CLSTN2: variants seen among roughly 807,000 people sequenced by gnomAD.
The protein encoded by CLSTN2 is calsyntenin 2.
Under a neutral mutation model 101.2 loss-of-function variants are expected in CLSTN2, and 48 were observed. The ratio of observed to expected loss-of-function variants is 0.47; its 90% confidence interval spans 0.38 to 0.60. The LOEUF (loss-of-function observed/expected upper bound fraction) is 0.60, where lower values mean the gene tolerates loss of function less well. CLSTN2 is among the 20% of genes least tolerant of loss of function. The probability of loss-of-function intolerance (pLI) is 0.00; values close to 1 mark genes in which losing one functional copy is unlikely to be tolerated. For missense variants in CLSTN2, 1,160 were observed against 1,238.2 expected, an observed-to-expected ratio of 0.94 and a Z score of 0.95; for synonymous variants, 481 against 463.6, an observed-to-expected ratio of 1.04 and a Z score of -0.48.
chr3:140,459,853 A>T, intron 7 of CLSTN2, 84 bp downstream of exon 7: 1 of 1,478,524 alleles, frequency 6.8e-7, no homozygotes, highest in African/African-American at 1.4e-5. Flanking sequence ...GGACACAGCC[A>T]AGGAGGATGT....
intron 2 of CLSTN2, among the ~76,000 whole-genome samples, chr3:140,234,151 G>A (rs9866305): frequency 0.38 from 57,417 of 152,134 alleles, 13,081 homozygotes; most frequent in Non-Finnish European, 0.53. Flanking sequence ...AAAGGGTCAC[G>A]GTCACAAATC....
chr3:140,080,931 A>C (rs948538389), intron 1 of CLSTN2, among the ~76,000 whole-genome samples: 2 of 152,192 alleles, frequency 1.3e-5, no homozygotes, highest in Non-Finnish European at 2.9e-5. Context: ...GGGACACTGC[A>C]CTGTGAGAAG....
At chr3:140,097,742 A>T (rs1307569571) in intron 1 of CLSTN2, among the ~76,000 whole-genome samples, 1 of 152,142 alleles carries the variant, frequency 6.6e-6, no homozygotes, top group African/African-American at 2.4e-5. Flanking sequence ...TACAGATGGG[A>T]TCCATTGAAT....
intron 1 of CLSTN2, among the ~76,000 whole-genome samples, chr3:139,990,447 T>C (rs1374191966): frequency 6.6e-6 from 1 of 152,176 alleles, no homozygotes; most frequent in Non-Finnish European, 1.5e-5. Flanking sequence ...TTCATATTTA[T>C]CCCTAGGTCT....
chr3:140,338,675 T>C (rs2087465082), intron 2 of CLSTN2, among the ~76,000 whole-genome samples: 1 of 152,188 alleles, frequency 6.6e-6, no homozygotes, highest in African/African-American at 2.4e-5. Flanking sequence ...TGTGAGATCG[T>C]CTGATAACTT....
intron 2 of CLSTN2, among the ~76,000 whole-genome samples, chr3:140,370,682 G>T (rs1446065850): frequency 6.6e-6 from 1 of 152,110 alleles, no homozygotes; most frequent in Non-Finnish European, 1.5e-5. Flanking sequence ...GCTTAAGTGG[G>T]AAATACACAC....
chr3:140,017,289 G>T (rs1365552427), intron 1 of CLSTN2, among the ~76,000 whole-genome samples: 2 of 152,216 alleles, frequency 1.3e-5, no homozygotes, highest in African/African-American at 2.4e-5. Flanking sequence ...TCCATGCAGA[G>T]GTCGTTGTTT....
intron 2 of CLSTN2, among the ~76,000 whole-genome samples, chr3:140,313,059 A>G (rs751637310): frequency 2.4e-4 from 36 of 152,244 alleles, no homozygotes; most frequent in Admixed American, 3.9e-4. Flanking sequence ...TCACTGAATC[A>G]AGTAATGTGC....
chr3:140,292,227 C>G (rs2086961298), intron 2 of CLSTN2, among the ~76,000 whole-genome samples: 1 of 152,196 alleles, frequency 6.6e-6, no homozygotes, highest in East Asian at 1.9e-4. Flanking sequence ...CTCCAACAGG[C>G]TGGATCCTTG....
intron 2 of CLSTN2, among the ~76,000 whole-genome samples, chr3:140,185,584 C>A (rs2010474839): frequency 6.6e-6 from 1 of 152,176 alleles, no homozygotes; most frequent in South Asian, 2.1e-4. Context: ...GCACCTGACC[C>A]AAGCTGCAAC....
At chr3:140,284,305 GTGC>G (rs2086876705) in intron 2 of CLSTN2, among the ~76,000 whole-genome samples, 1 of 152,076 alleles carries the variant, frequency 6.6e-6, no homozygotes, top group Non-Finnish European at 1.5e-5. Flanking sequence ...AAAAAGCACT[GTGC>G]TGGGACTGCC....
intron 1 of CLSTN2, among the ~76,000 whole-genome samples, chr3:140,063,133 T>C (rs972637396): frequency 2.0e-5 from 3 of 152,174 alleles, no homozygotes; most frequent in African/African-American, 7.2e-5. Context: ...TAAACACCAG[T>C]GATTTCTGTT....
chr3:140,128,701 A>G (rs2009474567), intron 1 of CLSTN2, among the ~76,000 whole-genome samples: 1 of 152,118 alleles, frequency 6.6e-6, no homozygotes. Flanking sequence ...AAATACCCCA[A>G]TTCCTCTCTC....
intron 1 of CLSTN2, among the ~76,000 whole-genome samples, chr3:139,936,661 G>A (rs1485125787): frequency 6.6e-6 from 1 of 152,198 alleles, no homozygotes; most frequent in Non-Finnish European, 1.5e-5. Context: ...ATGCCTATCA[G>A]GCTGCATTAC....
intron 2 of CLSTN2, among the ~76,000 whole-genome samples, chr3:140,272,575 T>A (rs891546577): frequency 1.3e-5 from 2 of 152,012 alleles, no homozygotes; most frequent in Non-Finnish European, 2.9e-5. Flanking sequence ...CATGCCAAAA[T>A]CCTGTCTGTA....
At chr3:140,478,367 G>A (rs944398312) in intron 8 of CLSTN2, among the ~76,000 whole-genome samples, 4 of 148,372 alleles carry the variant, frequency 2.7e-5, no homozygotes, top group African/African-American at 9.9e-5. Flanking sequence ...CCTTTAACAG[G>A]TAAATAGTCT....
intron 2 of CLSTN2, among the ~76,000 whole-genome samples, chr3:140,353,840 T>G (rs900232733): frequency 3.9e-5 from 6 of 152,196 alleles, no homozygotes; most frequent in African/African-American, 9.6e-5. Flanking sequence ...CTAGGTGGTG[T>G]TGTCCATCTT....
At chr3:140,375,146 A>G (rs868373960) in intron 2 of CLSTN2, among the ~76,000 whole-genome samples, 8 of 152,110 alleles carry the variant, frequency 5.3e-5, no homozygotes, top group Non-Finnish European at 8.8e-5. Context: ...GCTGAGGGGA[A>G]GTGTAGCTGA....
chr3:140,272,011 T>C (rs773216568), intron 2 of CLSTN2, among the ~76,000 whole-genome samples: 43 of 152,228 alleles, frequency 2.8e-4, no homozygotes, highest in Non-Finnish European at 5.4e-4. Context: ...TAGCGGTGTT[T>C]AGAGCAGCTA....
Sources: gnomAD v4.1 joint callset for allele counts (sites outside exome capture counted in the v4.1 genomes callset) on GRCh38, gnomAD v4.1.1 for gene constraint, MANE v1.5 for transcripts, NCBI Gene and HGNC (gene_info 2026-07-23, HGNC 2026-07-21) for gene names.